Variants in SYT16 observed in about 807,000 individuals in gnomAD.
SYT16 encodes synaptotagmin-16.
In SYT16, 42 loss-of-function variants were observed where a neutral mutation model predicts 61.4. The observed-to-expected ratio is 0.68, with a 90% CI of 0.53 to 0.89. The LOEUF (loss-of-function observed/expected upper bound fraction) is 0.89. SYT16 is among the 40% of genes least tolerant of loss of function. The pLI is 0.00. For missense variants in SYT16, 804 were observed against 807.3 expected (o/e 1.00, Z 0.05); for synonymous variants, 314 against 302.3 (o/e 1.04, Z -0.40).
intron 1 of SYT16, among the ~76,000 whole-genome samples, chr14:61,815,300 C>CT (rs1475389498): frequency 1.3e-5 from 2 of 152,200 alleles, no homozygotes; most frequent in Non-Finnish European, 1.5e-5. Flanking sequence ...GCAGTCCTGT[C>CT]TTGTCACCAT....
intron 7 of SYT16, among the ~76,000 whole-genome samples, chr14:62,099,948 A>T (rs138696619): frequency 1.1e-3 from 170 of 152,304 alleles, no homozygotes; most frequent in Admixed American, 4.1e-3. Flanking sequence ...AGACATATGA[A>T]TATGTAGAGA....
At chr14:62,028,587 A>G (rs1396977662) in intron 3 of SYT16, among the ~76,000 whole-genome samples, 1 of 152,302 alleles carries the variant, frequency 6.6e-6, no homozygotes, top group African/African-American at 2.4e-5. Flanking sequence ...AAAAATTTTT[A>G]TATTAATTTA....
intron 1 of SYT16, among the ~76,000 whole-genome samples, chr14:61,874,165 A>T (rs1293242454): frequency 1.3e-5 from 2 of 152,210 alleles, no homozygotes; most frequent in Non-Finnish European, 2.9e-5. Flanking sequence ...ATTTTGCAAA[A>T]CAATTTTGTT....
rs907127789 is a variant in SYT16 at position 62,106,197 on chromosome 14, T to C, written c.*5490T>C. On this transcript the variant is annotated 3_prime_UTR_variant, in exon 8 of 8. Transcript: ENST00000683842. ...GGGCTGGCACAGAACTTAAAATCTC[T>C]TTGGAGTGCTATGAGTGCACATTGA... The C allele has an allele frequency of 2.0e-5, 3 of 152,222 alleles. No homozygotes were observed. Among genetic ancestry groups the C allele is most frequent in the Non-Finnish European group, 4.4e-5 (3 of 68,038 alleles). 9.4% of individuals were successfully genotyped at this position (152,222 alleles called of 1,614,324 possible).
In SYT16 at chr14:61,835,550, G is replaced by A. The variant is rs61442321; in HGVS notation, c.-325+22740G>A. On this transcript the variant is annotated intron_variant, in intron 1 of 7. Transcript: ENST00000683842. ...TGGGATTACAGGCGTGAGCCACTGC[G>A]CCCGGCCAGGTGACTTTTTTTTTTT... 1.2e-3 allele frequency among the ~76,000 whole-genome samples: 187 copies of A among 151,260 alleles called. 6 individuals carry two copies. In the East Asian group the frequency reaches 0.034, roughly 28 times the overall value.
rs2056437804 is a variant in SYT16 at position 62,075,157 on chromosome 14, G to C, written c.759G>C (p.Arg253=). 1 of 1,611,084 alleles carries C rather than the reference G, an allele frequency of 6.2e-7. No homozygotes were observed. The highest frequency in any genetic ancestry group is 1.1e-5 in the South Asian group (1 of 90,610). ...TAGATTTGGATGGAGCCAGCCAACG[G>C]CGTTATTCTGAGAATCTCTCCTACG... ...ACEDLDGASQ[R]RYSENLSYGE... is the part of the protein sequence containing the mutation. Residue 253 remains arginine (R), a synonymous_variant, in exon 5 of 8, where the codon CGG becomes CGC. Coordinates refer to ENST00000683842, the MANE Select transcript of SYT16 (RefSeq NM_001367656.1).
intron 1 of SYT16, among the ~76,000 whole-genome samples, chr14:61,826,787 C>G (rs1269313096): frequency 6.6e-6 from 1 of 152,002 alleles, no homozygotes; most frequent in East Asian, 1.9e-4. Context: ...CACGTATTTT[C>G]CTACAGTTCT....
chr14:62,055,682 T>C (rs1021165876), intron 3 of SYT16, among the ~76,000 whole-genome samples: 28 of 150,672 alleles, frequency 1.9e-4, no homozygotes, highest in Non-Finnish European at 4.2e-4. Context: ...GCAACACAAA[T>C]CCCTGCTCAA....
intron 1 of SYT16, among the ~76,000 whole-genome samples, chr14:61,941,148 G>T (rs1443810129): frequency 6.6e-6 from 1 of 152,114 alleles, no homozygotes; most frequent in Non-Finnish European, 1.5e-5. Flanking sequence ...TGAAGGTGAG[G>T]TTCTCTGGCT....
chr14:61,993,193 C>T (rs2052626928), intron 2 of SYT16, among the ~76,000 whole-genome samples: 1 of 145,514 alleles, frequency 6.9e-6, no homozygotes, highest in South Asian at 2.2e-4. Flanking sequence ...TATGCTCACT[C>T]AAAAGTGGGA....
At chr14:61,843,104 T>G (rs147739519) in intron 1 of SYT16, among the ~76,000 whole-genome samples, 393 of 152,194 alleles carry the variant, frequency 2.6e-3, no homozygotes, top group Non-Finnish European at 4.5e-3. Flanking sequence ...TACCCAGCAG[T>G]GGGATTGCTA....
chr14:62,083,712 G>C (rs2056789425), intron 6 of SYT16, among the ~76,000 whole-genome samples: 1 of 152,164 alleles, frequency 6.6e-6, no homozygotes, highest in South Asian at 2.1e-4. Context: ...CTATGTGGGG[G>C]TAGACGTCCA....
At chr14:62,062,925 G>C (rs1418711006) in intron 3 of SYT16, among the ~76,000 whole-genome samples, 1 of 152,164 alleles carries the variant, frequency 6.6e-6, no homozygotes, top group East Asian at 1.9e-4. Flanking sequence ...AATAGGCTTG[G>C]AGCTACTCTG....
chr14:62,084,691 C>T (rs2056828967), intron 7 of SYT16, among the ~76,000 whole-genome samples: 1 of 152,140 alleles, frequency 6.6e-6, no homozygotes, highest in South Asian at 2.1e-4. Context: ...CTAATACGTC[C>T]TAGGCCCTCA....
intron 1 of SYT16, among the ~76,000 whole-genome samples, chr14:61,900,699 C>T (rs1307116016): frequency 6.6e-6 from 1 of 152,158 alleles, no homozygotes; most frequent in Admixed American, 6.5e-5. Flanking sequence ...CTCAATGGGT[C>T]ACTGGGGCCA....
intron 1 of SYT16, among the ~76,000 whole-genome samples, chr14:61,911,675 A>G (rs2048940456): frequency 6.6e-6 from 1 of 152,234 alleles, no homozygotes; most frequent in Admixed American, 6.5e-5. Context: ...TAACCATAAC[A>G]AAAACACCTT....
At chr14:62,018,340 T>G (rs2053782626) in intron 3 of SYT16, among the ~76,000 whole-genome samples, 1 of 132,808 alleles carries the variant, frequency 7.5e-6, no homozygotes, top group African/African-American at 2.8e-5. Context: ...ACTGTCTCGC[T>G]CTTGTTACCC....
intron 1 of SYT16, among the ~76,000 whole-genome samples, chr14:61,950,947 A>G (rs1594992657): frequency 6.6e-6 from 1 of 152,230 alleles, no homozygotes; most frequent in African/African-American, 2.4e-5. Context: ...AGAGGTTCCT[A>G]CTAAGGAACT....
At chr14:61,824,489 A>G (rs1185841940) in intron 1 of SYT16, among the ~76,000 whole-genome samples, 3 of 152,110 alleles carry the variant, frequency 2.0e-5, no homozygotes, top group African/African-American at 7.2e-5. Context: ...AGTAGCTGGG[A>G]CTACAGGCAC....
Sources: gnomAD v4.1 joint callset for allele counts (sites outside exome capture counted in the v4.1 genomes callset) on GRCh38, gnomAD v4.1.1 for gene constraint, MANE v1.5 for transcripts, NCBI Gene and HGNC (gene_info 2026-07-23, HGNC 2026-07-21) for gene names.